Variants in RBPJ observed in about 807,000 individuals in gnomAD.
RBPJ encodes recombining binding protein suppressor of hairless.
In RBPJ, 9 loss-of-function variants were observed where a neutral mutation model predicts 67.8. The ratio of observed to expected loss-of-function variants is 0.13; its 90% CI spans 0.08 to 0.23. RBPJ has a LOEUF of 0.23. RBPJ is among the 10% of genes least tolerant of loss of function. The pLI, the probability that RBPJ is intolerant of heterozygous loss-of-function variation, is 1.00. For synonymous variants in RBPJ, 198 were observed against 203.3 expected, an observed-to-expected ratio of 0.97 and a Z score of 0.22; for missense variants, 305 against 595.6, an observed-to-expected ratio of 0.51 and a Z score of 5.08.
At chr4:26,298,291 G>A (rs1721954234) in intron 1 of RBPJ, among the ~76,000 whole-genome samples, 1 of 152,150 alleles carries the variant, frequency 6.6e-6, no homozygotes, top group Non-Finnish European at 1.5e-5. Flanking sequence ...TCACAATTGA[G>A]TCTCACATCC....
intron 5 of RBPJ, 121 bp downstream of exon 5, chr4:26,420,846 C>T (rs1057394786): frequency 9.2e-6 from 7 of 757,858 alleles, no homozygotes; most frequent in Non-Finnish European, 1.4e-5. Flanking sequence ...TTTTTGTGGC[C>T]CTCTTTATTG....
At chr4:26,260,577 C>T (rs1720493607) in intron 1 of RBPJ, among the ~76,000 whole-genome samples, 2 of 152,190 alleles carry the variant, frequency 1.3e-5, no homozygotes. Flanking sequence ...TCTAACCTTT[C>T]AAAATGGCCA....
chr4:26,205,839 C>CA (rs1178365039), intron 1 of RBPJ, among the ~76,000 whole-genome samples: 1 of 151,850 alleles, frequency 6.6e-6, no homozygotes, highest in Non-Finnish European at 1.5e-5. Context: ...GTGATCTGCT[C>CA]ACTTCATCCT....
chr4:26,320,696 T>C, upstream of RBPJ: 3 of 1,520,006 alleles, frequency 2.0e-6, no homozygotes, highest in Non-Finnish European at 2.7e-6. Flanking sequence ...CCGGTTTTCC[T>C]CAGTCTCCAC....
the RBPJ span, among the ~76,000 whole-genome samples, chr4:26,133,547 G>A: frequency 6.6e-6 from 1 of 152,190 alleles, no homozygotes; most frequent in Non-Finnish European, 1.5e-5. Context: ...CACACAGCGG[G>A]TGAGCAGTAG....
At chr4:26,314,099 CT>C (rs1722525560) in intron 1 of RBPJ, among the ~76,000 whole-genome samples, 2 of 152,062 alleles carry the variant, frequency 1.3e-5, no homozygotes, top group African/African-American at 4.8e-5. Context: ...CTAGTGTGTC[CT>C]TCCAGAGACA....
intron 1 of RBPJ, among the ~76,000 whole-genome samples, chr4:26,163,838 C>A (rs948761036): frequency 1.3e-5 from 2 of 152,252 alleles, no homozygotes; most frequent in African/African-American, 2.4e-5. Flanking sequence ...GATGATCCGG[C>A]CTAGGCTGCA....
intron 1 of RBPJ, among the ~76,000 whole-genome samples, chr4:26,253,963 G>A (rs938236994): frequency 6.7e-6 from 1 of 149,006 alleles, no homozygotes; most frequent in Non-Finnish European, 1.5e-5. Context: ...TGATAGTCAT[G>A]TTTAAAGGTT....
At chr4:26,321,362 C>G (rs1723036888) in intron 1 of RBPJ, 1 of 151,536 alleles carries the variant, frequency 6.6e-6, no homozygotes, top group African/African-American at 2.4e-5. Context: ...GCGGGCTCTG[C>G]CTGGGGGCCC....
At chr4:26,118,211 G>A in the RBPJ span, among the ~76,000 whole-genome samples, 3 of 152,158 alleles carry the variant, frequency 2.0e-5, no homozygotes, top group Non-Finnish European at 4.4e-5. Flanking sequence ...GATGCAAAGG[G>A]TTCATAGAGA....
chr4:26,182,051 T>C (rs1472531030), intron 1 of RBPJ, among the ~76,000 whole-genome samples: 1 of 152,236 alleles, frequency 6.6e-6, no homozygotes, highest in Admixed American at 6.5e-5. Flanking sequence ...TTTAAAACTT[T>C]TTGACTCTTG....
At chr4:26,420,923 T>C in intron 5 of RBPJ, 198 bp downstream of exon 5, 1 of 515,898 alleles carries the variant, frequency 1.9e-6, no homozygotes, top group East Asian at 3.3e-5. Context: ...CCAGAGTTGG[T>C]TCCTTAATGC....
the RBPJ span, among the ~76,000 whole-genome samples, chr4:26,114,501 A>ATATATATATATATATATATATATATG: frequency 4.8e-5 from 7 of 144,706 alleles, no homozygotes; most frequent in African/African-American, 1.3e-4. Context: ...ATATATATGT[A>ATATATATATATATATATATATATATG]TGTGTGTGTG....
intron 1 of RBPJ, among the ~76,000 whole-genome samples, chr4:26,339,420 G>A (rs559699412): frequency 1.2e-3 from 183 of 152,166 alleles, no homozygotes; most frequent in South Asian, 3.1e-3. Context: ...GATCACTTGC[G>A]GTCAGGAGTT....
Position 26,270,425 on chromosome 4 carries a change from GA to G in RBPJ, c.-166-92018del, listed in dbSNP as rs1220630717. ...AGAAAGAAAGAAAGAAAGAAAGAAA[GA>G]AAGAAAGAAAGAAGAAAGAAAGAAA... On this transcript the variant is annotated intron_variant, in intron 1 of 4. Transcript: ENST00000512351. Among the ~76,000 whole-genome samples, 41 of 53,638 alleles carry G rather than the reference GA, an allele frequency of 7.6e-4. 2 individuals carry two copies. The highest frequency in any genetic ancestry group is 1.4e-3 in the Non-Finnish European group (29 of 20,122). The allele number at this position is 53,638 out of a possible 152,430, so 35.2% of individuals were successfully genotyped here. A position where few individuals can be genotyped will look rare whatever the true frequency, so the allele number is the denominator to read the frequency against.
intron 1 of RBPJ, chr4:26,383,978 G>GCCT (rs1272992448): frequency 6.6e-6 from 1 of 152,144 alleles, no homozygotes; most frequent in Non-Finnish European, 1.5e-5. Context: ...TCTTACCTCA[G>GCCT]CCTCCTGAGT....
chr4:26,315,167 A>AAAAAAAAATAT (rs1325689348), upstream of RBPJ, among the ~76,000 whole-genome samples: 19 of 74,754 alleles, frequency 2.5e-4, no homozygotes, highest in East Asian at 4.6e-4. Context: ...AAAAAAAAAA[A>AAAAAAAAATAT]ATATATATAT....
chr4:26,113,709 T>C, the RBPJ span: 1 of 280,920 alleles, frequency 3.6e-6, no homozygotes, highest in Non-Finnish European at 7.6e-6. Context: ...AATCTCATTG[T>C]CCATCAAAGA....
At chr4:26,364,233 T>C (rs1728369777) in intron 1 of RBPJ, among the ~76,000 whole-genome samples, 1 of 152,242 alleles carries the variant, frequency 6.6e-6, no homozygotes, top group Admixed American at 6.5e-5. Flanking sequence ...ATATTCTTAA[T>C]GGAATTTAGT....
Sources: gnomAD v4.1 joint callset for allele counts (sites outside exome capture counted in the v4.1 genomes callset) on GRCh38, gnomAD v4.1.1 for gene constraint, MANE v1.5 for transcripts, NCBI Gene and HGNC (gene_info 2026-07-23, HGNC 2026-07-21) for gene names.